The following CNTN4 variants were observed in gnomAD, a reference collection of about 807,000 sequenced individuals.
CNTN4 encodes the protein contactin 4.
A neutral mutation model predicts 122.5 loss-of-function variants in CNTN4; 77 were observed. That is an observed-to-expected ratio of 0.63 (90% CI 0.52 to 0.76). The LOEUF is 0.76. Ranked by LOEUF, CNTN4 falls within the 30% of genes least tolerant of loss-of-function variation. The pLI, the probability that CNTN4 is intolerant of heterozygous loss-of-function variation, is 0.00. For synonymous variants in CNTN4, 512 were observed against 447.0 expected (o/e 1.15, Z -1.83); for missense variants, 1,256 against 1,259.1 (o/e 1.00, Z 0.04).
intron 12 of CNTN4, among the ~76,000 whole-genome samples, chr3:2,923,498 G>A (rs1302927379): frequency 6.6e-6 from 1 of 152,104 alleles, no homozygotes; most frequent in Non-Finnish European, 1.5e-5. Flanking sequence ...CAAAGCCTAC[G>A]AACACAGATT....
intron 9 of CNTN4, 60 bp from the exon 10 acceptor site, chr3:2,886,980 T>C (rs1260530673): frequency 1.6e-5 from 24 of 1,468,168 alleles, no homozygotes; most frequent in Non-Finnish European, 2.2e-5. Flanking sequence ...AGCGTTTAGG[T>C]TCAGATAAAA....
At chr3:2,269,380 A>T (rs1314683107) in intron 2 of CNTN4, among the ~76,000 whole-genome samples, 1 of 152,112 alleles carries the variant, frequency 6.6e-6, no homozygotes, top group African/African-American at 2.4e-5. Context: ...ATTCCACAGC[A>T]TGCATTTCAG....
chr3:2,633,372 C>T (rs144472924), intron 4 of CNTN4, among the ~76,000 whole-genome samples: 4 of 152,308 alleles, frequency 2.6e-5, no homozygotes, highest in African/African-American at 9.6e-5. Context: ...TCATTAGTTA[C>T]ATTCAGTGCT....
At chr3:2,515,402 G>A (rs1398473786) in intron 3 of CNTN4, among the ~76,000 whole-genome samples, 1 of 152,020 alleles carries the variant, frequency 6.6e-6, no homozygotes, top group Non-Finnish European at 1.5e-5. Flanking sequence ...CAAGGTAGCA[G>A]GATATTAAAG....
At chr3:2,298,010 G>A (rs2042376761) in intron 2 of CNTN4, among the ~76,000 whole-genome samples, 7 of 152,186 alleles carry the variant, frequency 4.6e-5, no homozygotes. Context: ...GGGTTTTCAG[G>A]TGTGAGCCAG....
At chr3:2,590,601 G>T (rs1229862825) in intron 4 of CNTN4, among the ~76,000 whole-genome samples, 1 of 151,904 alleles carries the variant, frequency 6.6e-6, no homozygotes, top group African/African-American at 2.4e-5. Flanking sequence ...GTTGGTTCCT[G>T]CTGCCTTCTC....
chr3:2,775,648 T>C (rs1304064024), intron 6 of CNTN4, among the ~76,000 whole-genome samples: 1 of 152,180 alleles, frequency 6.6e-6, no homozygotes, highest in Non-Finnish European at 1.5e-5. Context: ...CTTGAATTGC[T>C]GGCCTCAAGT....
intron 3 of CNTN4, among the ~76,000 whole-genome samples, chr3:2,559,186 C>T (rs2149410916): frequency 6.6e-6 from 1 of 152,238 alleles, no homozygotes. Flanking sequence ...GAAAAAAGTC[C>T]CTTGACATAC....
chr3:2,455,891 T>C (rs2048981159), intron 3 of CNTN4, among the ~76,000 whole-genome samples: 1 of 152,032 alleles, frequency 6.6e-6, no homozygotes. Flanking sequence ...AAAACTTGCC[T>C]CTCTTCTCTC....
intron 2 of CNTN4, among the ~76,000 whole-genome samples, chr3:2,199,822 T>C (rs540596023): frequency 3.6e-4 from 55 of 152,272 alleles, no homozygotes; most frequent in African/African-American, 9.9e-4. Context: ...GTAGTTGGTG[T>C]AGCTGAGATC....
chr3:2,853,673 C>T (rs2093583766), intron 7 of CNTN4, among the ~76,000 whole-genome samples: 1 of 152,204 alleles, frequency 6.6e-6, no homozygotes, highest in Non-Finnish European at 1.5e-5. Context: ...AGTTTCTTCT[C>T]CCAGACCAGC....
chr3:2,350,569 AG>A (rs71621484), intron 3 of CNTN4, among the ~76,000 whole-genome samples: 62,294 of 151,412 alleles, frequency 0.41, 13,585 homozygotes, highest in East Asian at 0.8. Context: ...ACTTAAATAA[AG>A]AAAAAAATAG....
At chr3:2,770,802 G>A (rs1333224892) in intron 6 of CNTN4, among the ~76,000 whole-genome samples, 1 of 152,226 alleles carries the variant, frequency 6.6e-6, no homozygotes, top group Non-Finnish European at 1.5e-5. Context: ...GATGCTCAGT[G>A]TGAGACCAGT....
At chr3:2,780,779 A>G (rs2149849557) in intron 6 of CNTN4, among the ~76,000 whole-genome samples, 1 of 152,338 alleles carries the variant, frequency 6.6e-6, no homozygotes, top group African/African-American at 2.4e-5. Flanking sequence ...TAATATCTAT[A>G]ATAATACATT....
At chr3:2,641,070 A>G (rs1476838357) in intron 4 of CNTN4, among the ~76,000 whole-genome samples, 2 of 152,212 alleles carry the variant, frequency 1.3e-5, no homozygotes, top group Admixed American at 6.6e-5. Context: ...CAGATCACCC[A>G]TTAAAAGTCA....
In CNTN4 at chr3:2,606,538, G is replaced by A. The variant is rs369514912; in HGVS notation, c.55+34980G>A. Among the ~76,000 whole-genome samples, 30 of 152,314 alleles carry A rather than the reference G, an allele frequency of 2.0e-4. No homozygotes were observed. In the South Asian group the frequency reaches 3.3e-3, roughly 17 times the overall value. On this transcript the variant is annotated intron_variant, in intron 4 of 24. Transcript: ENST00000418658. ...ACAGTGACTGATGGGCGGATAATGG[G>A]TTTTAAGAGGACTTTGACAACGAAA...
At chr3:2,488,450 GT>G (rs112045330) in intron 3 of CNTN4, among the ~76,000 whole-genome samples, 4 of 152,040 alleles carry the variant, frequency 2.6e-5, no homozygotes, top group Admixed American at 6.6e-5. Flanking sequence ...GTGAGTGAGT[GT>G]TGGGGGGTGT....
At chr3:2,725,798 A>T (rs888703800) in intron 4 of CNTN4, among the ~76,000 whole-genome samples, 1 of 152,234 alleles carries the variant, frequency 6.6e-6, no homozygotes, top group African/African-American at 2.4e-5. Context: ...TCTTACTTGT[A>T]TGTATTCACA....
chr3:2,767,163 G>A (rs1010188242), intron 6 of CNTN4, among the ~76,000 whole-genome samples: 1 of 152,200 alleles, frequency 6.6e-6, no homozygotes, highest in Non-Finnish European at 1.5e-5. Context: ...AGAGAAGCTG[G>A]TAAGAAAGGC....
Sources: gnomAD v4.1 joint callset for allele counts (sites outside exome capture counted in the v4.1 genomes callset) on GRCh38, gnomAD v4.1.1 for gene constraint, MANE v1.5 for transcripts, NCBI Gene and HGNC (gene_info 2026-07-23, HGNC 2026-07-21) for gene names.